Variants in C1orf87 observed in about 807,000 individuals in gnomAD.
C1orf87 encodes the protein chromosome 1 open reading frame 87.
A neutral mutation model predicts 60.5 loss-of-function variants in C1orf87; 58 were observed. The observed-to-expected ratio is 0.96, with a 90% CI of 0.78 to 1.19. The LOEUF (loss-of-function observed/expected upper bound fraction) is 1.19. Among genes scored for constraint, C1orf87 ranks in the 50% most tolerant of loss-of-function variants. The pLI is 0.00. For missense variants in C1orf87, 673 were observed against 638.6 expected, an observed-to-expected ratio of 1.05 and a Z score of -0.58; for synonymous variants, 236 against 227.4, an observed-to-expected ratio of 1.04 and a Z score of -0.34.
intron 8 of C1orf87, among the ~76,000 whole-genome samples, chr1:60,017,089 T>G (rs1253131178): frequency 6.6e-6 from 1 of 152,244 alleles, no homozygotes. Flanking sequence ...AGCCTCTCTG[T>G]GCTGCTGTGC....
intron 8 of C1orf87, among the ~76,000 whole-genome samples, chr1:60,021,384 A>G (rs1645162314): frequency 6.6e-6 from 1 of 152,198 alleles, no homozygotes; most frequent in Non-Finnish European, 1.5e-5. Context: ...ACAAATACTG[A>G]TAAGTGTTAG....
At chr1:60,009,869 T>C (rs1192233507) in intron 9 of C1orf87, among the ~76,000 whole-genome samples, 1 of 152,080 alleles carries the variant, frequency 6.6e-6, no homozygotes, top group Non-Finnish European at 1.5e-5. Flanking sequence ...AACCCAGCCA[T>C]GTTATTTTAC....
At chr1:60,000,397 C>T (rs1644993664) in intron 10 of C1orf87, among the ~76,000 whole-genome samples, 1 of 152,100 alleles carries the variant, frequency 6.6e-6, no homozygotes, top group Admixed American at 6.6e-5. Flanking sequence ...TTGTTTCTTG[C>T]ATGGCAAGAG....
At chr1:60,053,926 G>A (rs1042268040) in intron 3 of C1orf87, among the ~76,000 whole-genome samples, 1 of 152,098 alleles carries the variant, frequency 6.6e-6, no homozygotes, top group Non-Finnish European at 1.5e-5. Context: ...CTACCTCACA[G>A]GGTTAATTTC....
intron 3 of C1orf87, among the ~76,000 whole-genome samples, chr1:60,049,058 C>T (rs998411329): frequency 6.6e-6 from 1 of 151,880 alleles, no homozygotes; most frequent in East Asian, 1.9e-4. Context: ...CTGCATAAAT[C>T]TTTTAATATT....
At chr1:60,057,252 T>C (rs1645463751) in intron 2 of C1orf87, among the ~76,000 whole-genome samples, 1 of 152,160 alleles carries the variant, frequency 6.6e-6, no homozygotes, top group South Asian at 2.1e-4. Flanking sequence ...GGGTTAGCCA[T>C]GAAGATGTAG....
chr1:60,014,241 T>C (rs1645110057), intron 8 of C1orf87, among the ~76,000 whole-genome samples: 1 of 152,132 alleles, frequency 6.6e-6, no homozygotes, highest in South Asian at 2.1e-4. Flanking sequence ...AATTTTCTGG[T>C]TGGTCAAGAC....
intron 3 of C1orf87, 93 bp downstream of exon 3, chr1:60,055,111 A>G: frequency 8.9e-7 from 1 of 1,126,612 alleles, no homozygotes; most frequent in African/African-American, 1.6e-5. Context: ...ATTAATGAAC[A>G]TTTGTACAGT....
At chr1:60,031,292 C>G (rs1645236361) in intron 7 of C1orf87, among the ~76,000 whole-genome samples, 1 of 152,214 alleles carries the variant, frequency 6.6e-6, no homozygotes, top group Non-Finnish European at 1.5e-5. Flanking sequence ...ATTTCACATG[C>G]CTCCCAGAAC....
chr1:60,006,890 G>A (rs1183862079), intron 9 of C1orf87, among the ~76,000 whole-genome samples: 2 of 151,120 alleles, frequency 1.3e-5, no homozygotes, highest in Non-Finnish European at 2.9e-5. Context: ...GTTAGATGTT[G>A]TCACCATTTC....
At chr1:60,055,587 A>G in intron 2 of C1orf87, 149 bp from the exon 3 acceptor site, 3 of 648,820 alleles carry the variant, frequency 4.6e-6, no homozygotes, top group East Asian at 2.7e-5. Flanking sequence ...TTATTTGTCT[A>G]TGCATCATTG....
At chr1:60,051,977 G>A (rs550666719) in intron 3 of C1orf87, among the ~76,000 whole-genome samples, 4 of 152,168 alleles carry the variant, frequency 2.6e-5, no homozygotes, top group Non-Finnish European at 5.9e-5. Context: ...GCTCTGCCTT[G>A]AACTTTCTAA....
At chr1:60,047,866 T>A (rs1460739754) in intron 3 of C1orf87, among the ~76,000 whole-genome samples, 1 of 152,200 alleles carries the variant, frequency 6.6e-6, no homozygotes, top group Non-Finnish European at 1.5e-5. Flanking sequence ...AAATATTTTC[T>A]TTACAGTAAA....
intron 8 of C1orf87, among the ~76,000 whole-genome samples, chr1:60,017,659 T>A (rs1645133154): frequency 6.6e-6 from 1 of 152,220 alleles, no homozygotes; most frequent in African/African-American, 2.4e-5. Context: ...AAACATTAAA[T>A]GCTAATTCTG....
chr1:60,017,359 G>C (rs2100265612), intron 8 of C1orf87, among the ~76,000 whole-genome samples: 1 of 152,258 alleles, frequency 6.6e-6, no homozygotes, highest in South Asian at 2.1e-4. Flanking sequence ...TCCTCTGGTT[G>C]TTCCTGGGAT....
chr1:60,072,731 T>C (rs1645592915), intron 1 of C1orf87, 61 bp from the exon 2 acceptor site: 3 of 831,462 alleles, frequency 3.6e-6, no homozygotes, highest in Non-Finnish European at 5.7e-6. Flanking sequence ...TGCATCATCC[T>C]TGCCAATAAC....
At chr1:59,994,063 G>A (rs1644946668) in intron 11 of C1orf87, among the ~76,000 whole-genome samples, 1 of 152,144 alleles carries the variant, frequency 6.6e-6, no homozygotes, top group Non-Finnish European at 1.5e-5. Flanking sequence ...CCCACCATAA[G>A]AACATTTTCA....
chr1:60,046,500 G>C (rs1574319849), intron 3 of C1orf87, among the ~76,000 whole-genome samples: 1 of 133,472 alleles, frequency 7.5e-6, no homozygotes, highest in East Asian at 2.3e-4. Flanking sequence ...GAGTAGCACA[G>C]CCATTATTCA....
At chr1:60,009,017 C>G (rs1237215096) in intron 9 of C1orf87, among the ~76,000 whole-genome samples, 1 of 151,946 alleles carries the variant, frequency 6.6e-6, no homozygotes, top group Middle Eastern at 3.2e-3. Flanking sequence ...GTCTGGATTA[C>G]CTCCCTGTAG....
Sources: allele counts gnomAD v4.1 joint callset (sites outside exome capture counted in the v4.1 genomes callset), GRCh38; gene constraint gnomAD v4.1.1; transcripts MANE v1.5; gene names NCBI Gene and HGNC (gene_info 2026-07-23, HGNC 2026-07-21).